Variants in DRAM2 observed in about 807,000 individuals in gnomAD.
The protein encoded by DRAM2 is DNA damage regulated autophagy modulator 2.
Under a neutral mutation model 33.5 loss-of-function variants are expected in DRAM2, and 26 were observed. That is an observed-to-expected ratio of 0.78 (90% CI 0.57 to 1.08). DRAM2 has a LOEUF of 1.08. DRAM2 is among the 50% of genes least tolerant of loss of function. The pLI, the probability that DRAM2 is intolerant of heterozygous loss-of-function variation, is 0.00. For synonymous variants in DRAM2, 98 were observed against 109.5 expected (o/e 0.89, Z 0.66); for missense variants, 311 against 318.1 (o/e 0.98, Z 0.17).
intron 6 of DRAM2, among the ~76,000 whole-genome samples, chr1:111,122,362 G>A (rs146385321): frequency 2.0e-5 from 3 of 151,546 alleles, no homozygotes; most frequent in Admixed American, 6.6e-5. Context: ...TAAGCTAGTT[G>A]AGAAGAAGAC....
Position 111,118,861 on chromosome 1 carries a change from A to T in DRAM2, c.637T>A (p.Trp213Arg). 1.2e-6 allele frequency: 2 copies of T among 1,610,388 alleles called. No homozygotes were observed. The highest frequency in any genetic ancestry group is 1.7e-6 in the Non-Finnish European group (2 of 1,177,856). Reference protein sequence around the residue: ...VLHMITTAAEWSMSFSFFGFF... With the variant: ...VLHMITTAAERSMSFSFFGFF... The stretch of plus-strand genomic sequence containing the variant: ...CCAAAGAAGGAAAATGACATAGACC[A>T]TTCTGCTGCAGTAGTGATCATGTGA... The change falls in exon 9 of 10, where the codon TGG becomes AGG. Residue 213 changes from tryptophan to arginine, a missense_variant. Transcript: ENST00000484310.
chr1:111,134,408 T>C (rs1652731333), intron 3 of DRAM2, among the ~76,000 whole-genome samples: 1 of 151,928 alleles, frequency 6.6e-6, no homozygotes, highest in South Asian at 2.1e-4. Context: ...TCAGCCATTT[T>C]TTATTGGTAT....
At chr1:111,128,544 G>C (rs1557893519) in intron 4 of DRAM2, among the ~76,000 whole-genome samples, 1 of 152,178 alleles carries the variant, frequency 6.6e-6, no homozygotes, top group Non-Finnish European at 1.5e-5. Flanking sequence ...ACCTCCATCA[G>C]ATAACAAAAC....
chr1:111,120,909 C>T (rs74121039), intron 6 of DRAM2, among the ~76,000 whole-genome samples: 1,934 of 152,006 alleles, frequency 0.013, 54 homozygotes, highest in African/African-American at 0.044. Flanking sequence ...TTTCATATAC[C>T]TCCACTGAAA....
rs534575077 is a variant in DRAM2 at position 111,130,142 on chromosome 1, C to T, written c.131+1282G>A. On this transcript the variant is annotated intron_variant, in intron 4 of 9. Transcript: ENST00000484310. ...TGCAACTGACTACCCATTCTTCATT[C>T]GTTGTGAGATTTCAAAAATGTTATC... Among the ~76,000 whole-genome samples the T allele has an allele frequency of 2.8e-4, 42 of 152,220 alleles. 1 individual carries two copies. Among genetic ancestry groups the T allele is most frequent in the African/African-American group, 9.9e-4 (41 of 41,546 alleles).
At chr1:111,136,011 A>T (rs929644413) in intron 3 of DRAM2, among the ~76,000 whole-genome samples, 4 of 152,208 alleles carry the variant, frequency 2.6e-5, no homozygotes, top group Non-Finnish European at 5.9e-5. Flanking sequence ...TAAAGTCCTC[A>T]CATGCTGTCA....
chr1:111,132,960 A>G (rs1052969617), intron 3 of DRAM2, among the ~76,000 whole-genome samples: 4 of 151,956 alleles, frequency 2.6e-5, no homozygotes, highest in Non-Finnish European at 5.9e-5. Context: ...AATTATAGGT[A>G]TGAGCCACCC....
At chr1:111,138,543 T>C (rs910337025) in intron 2 of DRAM2, among the ~76,000 whole-genome samples, 9 of 152,214 alleles carry the variant, frequency 5.9e-5, no homozygotes, top group African/African-American at 1.7e-4. Flanking sequence ...CCCAGCACTT[T>C]GGGAGGCCCA....
At chr1:111,137,343 ACAAG>A (rs1178418810) in intron 3 of DRAM2, among the ~76,000 whole-genome samples, 176 bp downstream of exon 3, 2 of 152,060 alleles carry the variant, frequency 1.3e-5, no homozygotes, top group Non-Finnish European at 2.9e-5. Context: ...TACTGATAGC[ACAAG>A]CAAAGAACCT....
At chr1:111,135,763 A>T (rs746592151) in intron 3 of DRAM2, among the ~76,000 whole-genome samples, 2 of 152,236 alleles carry the variant, frequency 1.3e-5, no homozygotes, top group African/African-American at 2.4e-5. Context: ...TTGTCTCTAC[A>T]GTATGAAAAT....
In DRAM2 at chr1:111,122,234, G is replaced by A. The variant is rs114956213; in HGVS notation, c.340-1541C>T. Among the ~76,000 whole-genome samples, 382 of 152,210 alleles carry A rather than the reference G, an allele frequency of 2.5e-3. 4 individuals are homozygous for A. Among genetic ancestry groups the A allele is most frequent in the African/African-American group, 8.7e-3 (363 of 41,530 alleles). ...GGGATGCAAAATGAGATGTATATAC[G>A]TTTCCAAAAGATCACTTTTACTGCA... is the stretch of plus-strand genomic sequence containing the variant. On this transcript the variant is annotated intron_variant, in intron 6 of 9. Transcript: ENST00000484310.
Position 111,124,778 on chromosome 1 carries a change from C to T in DRAM2, c.303G>A (p.Leu101=), listed in dbSNP as rs758960157. 5 of 1,613,506 alleles carry T rather than the reference C, an allele frequency of 3.1e-6. No individual in the cohort carries two copies. Among genetic ancestry groups the T allele is most frequent in the Non-Finnish European group, 4.2e-6 (5 of 1,179,674 alleles). The change falls in exon 6 of 10, where the codon CTG becomes CTA. Residue 101 remains leucine (L), a synonymous_variant. Transcript: ENST00000484310. ...CCACAATAGAAAGTCCTAAACAACT[C>T]AGTATTCCAAGTACAAGGCCAGCCT... ...LNKAGLVLGI[L]SCLGLSIVAN...
rs1304707301 is a variant in DRAM2, at chr1:111,117,383, A to G, written c.*777T>C. On this transcript the variant is annotated 3_prime_UTR_variant, in exon 10 of 10. Coordinates refer to ENST00000484310, the MANE Select transcript of DRAM2 (RefSeq NM_001349884.2). ...TCTGCTGTTATTCCCAAACTTCTCA[A>G]TGTTACATGAATACTAACCCTTGTT... 1.3e-5 allele frequency: 2 copies of G among 152,100 alleles called. No individual in the cohort carries two copies. The highest frequency in any genetic ancestry group is 2.9e-5 in the Non-Finnish European group (2 of 67,954). 9.4% of individuals were successfully genotyped at this position (152,100 alleles called of 1,614,324 possible). A position where few individuals can be genotyped will look rare whatever the true frequency, so the allele number is the denominator to read the frequency against.
At position 111,120,536 on chromosome 1, in the gene DRAM2, C is replaced by A; in HGVS notation, c.497G>T (p.Cys166Phe). The A allele has an allele frequency of 6.2e-7, 1 of 1,608,000 alleles. No homozygotes were observed. Among genetic ancestry groups the A allele is most frequent in the Non-Finnish European group, 8.5e-7 (1 of 1,177,088 alleles). Residue 166 changes from cysteine to phenylalanine, a missense_variant, in exon 7 of 10, where the codon TGT (cysteine) becomes TTT (phenylalanine). Physicochemically the swap from Cys to Phe is radical, Grantham distance 205. Transcript: ENST00000484310. ...FWIRLLLVIW[C>F]GVSALSMLTC... ...GATACTGCTAAGTGCACTTACTCCA[C>A]ACCAGATAACCAACAACAGTCTGAT...
chr1:111,131,357 T>C, intron 4 of DRAM2, 67 bp downstream of exon 4: 2 of 1,444,376 alleles, frequency 1.4e-6, no homozygotes, highest in Non-Finnish European at 1.9e-6. Context: ...CATTAAATGT[T>C]GACTTCAATG....
chr1:111,137,815 C>T (rs1207627438), intron 2 of DRAM2, among the ~76,000 whole-genome samples: 3 of 152,164 alleles, frequency 2.0e-5, no homozygotes, highest in African/African-American at 7.2e-5. Context: ...TTTTCATATG[C>T]ATTCTCACAT....
intron 4 of DRAM2, among the ~76,000 whole-genome samples, chr1:111,130,048 G>A (rs903926167): frequency 7.4e-6 from 1 of 134,736 alleles, no homozygotes; most frequent in Non-Finnish European, 1.6e-5. Context: ...AAAAAAAGAG[G>A]GTTATTATAG....
rs1034809394 is a variant in DRAM2, at chr1:111,131,685, C to A, written c.-14-117G>T. The A allele has an allele frequency of 4.3e-6, 4 of 930,888 alleles. No homozygotes were observed. The African/African-American group carries it at 5.0e-5, about 12-fold the overall frequency. The allele number at this position is 930,888 out of a possible 1,614,324, so 57.7% of individuals were successfully genotyped here. On this transcript the variant is annotated intron_variant, in intron 3 of 9. Coordinates refer to ENST00000484310, the MANE Select transcript of DRAM2 (RefSeq NM_001349884.2). ...CCCCAAGCTGTTTCACCTCTGAAAT[C>A]ATCCCTCATGCCATACCCCAATACT...
At chr1:111,134,298 CATA>C (rs1652711527) in intron 3 of DRAM2, among the ~76,000 whole-genome samples, 1 of 151,796 alleles carries the variant, frequency 6.6e-6, no homozygotes, top group Non-Finnish European at 1.5e-5. Flanking sequence ...AGTATCTTCT[CATA>C]TTTTTTTGAT....
Sources: allele counts gnomAD v4.1 joint callset (sites outside exome capture counted in the v4.1 genomes callset), GRCh38; gene constraint gnomAD v4.1.1; transcripts MANE v1.5; gene names NCBI Gene and HGNC (gene_info 2026-07-23, HGNC 2026-07-21).